PDE8B: variants seen among roughly 807,000 people sequenced by gnomAD.
PDE8B encodes phosphodiesterase 8B, also known as high affinity cAMP-specific and IBMX-insensitive 3',5'-cyclic phosphodiesterase 8B.
PDE8B carries 26 observed loss-of-function variants against 101.3 expected under a neutral mutation model. The ratio of observed to expected loss-of-function variants is 0.26; its 90% CI spans 0.19 to 0.36. PDE8B has a LOEUF of 0.36. Among genes scored for constraint, PDE8B ranks in the 10% least tolerant of loss-of-function variants. The pLI is 1.00. For missense variants in PDE8B, 810 were observed against 1,163.1 expected (o/e 0.70, Z 4.42); for synonymous variants, 424 against 429.3 (o/e 0.99, Z 0.15).
At chr5:77,203,976 T>C in the PDE8B span, among the ~76,000 whole-genome samples, 1 of 151,940 alleles carries the variant, frequency 6.6e-6, no homozygotes, top group Admixed American at 6.6e-5. Flanking sequence ...TAGAAACAGA[T>C]GTGCCTTGTG....
chr5:77,087,485 A>T, the PDE8B span: 2 of 152,236 alleles, frequency 1.3e-5, no homozygotes, highest in East Asian at 3.8e-4. Context: ...GCATCTTTGC[A>T]GGCTGTAGGC....
At chr5:77,288,040 G>A (rs1766422470) in intron 1 of PDE8B, among the ~76,000 whole-genome samples, 1 of 152,082 alleles carries the variant, frequency 6.6e-6, no homozygotes, top group Non-Finnish European at 1.5e-5. Flanking sequence ...CTGAATGATG[G>A]CATATTCCCG....
intron 2 of PDE8B, among the ~76,000 whole-genome samples, chr5:77,322,203 G>A (rs1775223445): frequency 6.7e-6 from 1 of 150,008 alleles, no homozygotes; most frequent in Non-Finnish European, 1.5e-5. Context: ...AAGAGCCAAA[G>A]GTGGTGGTGG....
At chr5:77,313,871 A>T (rs1580978994) in intron 2 of PDE8B, among the ~76,000 whole-genome samples, 1 of 152,314 alleles carries the variant, frequency 6.6e-6, no homozygotes, top group East Asian at 1.9e-4. Context: ...GTATGTGTCC[A>T]TTCATAATAT....
chr5:77,257,024 T>A (rs1479595), intron 1 of PDE8B, among the ~76,000 whole-genome samples: 81,229 of 151,992 alleles, frequency 0.53, 21,767 homozygotes, highest in South Asian at 0.62. Flanking sequence ...ATGGTAGTGA[T>A]CGTACATAGA....
intron 1 of PDE8B, among the ~76,000 whole-genome samples, chr5:77,219,669 A>G (rs1750652948): frequency 6.6e-6 from 1 of 152,192 alleles, no homozygotes; most frequent in African/African-American, 2.4e-5. Context: ...CACCTCAGCC[A>G]CTAGTGGTCC....
chr5:77,345,849 C>T (rs544249441), intron 7 of PDE8B, among the ~76,000 whole-genome samples: 21 of 152,250 alleles, frequency 1.4e-4, no homozygotes, highest in Non-Finnish European at 2.4e-4. Flanking sequence ...CAACACACAG[C>T]GAAGCCCACA....
chr5:77,094,658 G>T, the PDE8B span, among the ~76,000 whole-genome samples: 3 of 152,080 alleles, frequency 2.0e-5, no homozygotes, highest in African/African-American at 4.8e-5. Flanking sequence ...TCTGAAAGGA[G>T]GTTTATTTGA....
Position 77,211,131 on chromosome 5 carries a change from G to T in PDE8B, c.206G>T (p.Arg69Met), listed in dbSNP as rs1334447564. 2 of 1,516,120 alleles carry T rather than the reference G, an allele frequency of 1.3e-6. No individual in the cohort carries two copies. The highest frequency in any genetic ancestry group is 2.9e-5 in the African/African-American group (2 of 69,854). The allele number at this position is 1,516,120 out of a possible 1,614,324, so 93.9% of individuals were successfully genotyped here. ...SGPPSVARVR[R>M]ARTELGSGSS... ...CCCCCCAGCGTAGCCCGCGTCCGCAGGGCCCGCACCGAGCTGGGCAGCGGT... is the reference window on the plus strand; with the variant it reads ...CCCCCCAGCGTAGCCCGCGTCCGCATGGCCCGCACCGAGCTGGGCAGCGGT... The change falls in exon 1 of 22, where the codon AGG becomes ATG. Residue 69 changes from arginine to methionine, a missense_variant. By Grantham distance (91) the Arg-to-Met change is moderately conservative. This residue lies in a region of PDE8B where 159 missense variants were observed against 146.6 expected (regional missense o/e 1.08). Transcript: ENST00000264917. This position sits in a 1 kb window ranked among gnomAD's most constrained non-coding sequence, Gnocchi z 4.1.
At chr5:77,303,866 A>AGCTAG in intron 1 of PDE8B, among the ~76,000 whole-genome samples, 1 of 152,214 alleles carries the variant, frequency 6.6e-6, no homozygotes, top group African/African-American at 2.4e-5. Flanking sequence ...TTAAATGAGT[A>AGCTAG]ACTCTAGTTG....
chr5:77,267,501 G>C (rs2149747472), intron 1 of PDE8B, among the ~76,000 whole-genome samples: 1 of 151,830 alleles, frequency 6.6e-6, no homozygotes, highest in East Asian at 1.9e-4. Context: ...TGAGAGGTCT[G>C]CCTTATTTTG....
intron 1 of PDE8B, among the ~76,000 whole-genome samples, chr5:77,236,593 C>A (rs1561392810): frequency 6.6e-6 from 1 of 152,126 alleles, no homozygotes; most frequent in African/African-American, 2.4e-5. Flanking sequence ...AATATTGGAC[C>A]ACTGGATTTA....
intron 13 of PDE8B, among the ~76,000 whole-genome samples, chr5:77,408,289 G>A (rs1793888496): frequency 6.6e-6 from 1 of 152,222 alleles, no homozygotes; most frequent in African/African-American, 2.4e-5. Flanking sequence ...AGCATGAAGT[G>A]CTTTCTTGAT....
In PDE8B at chr5:77,415,795, T is replaced by C. The variant is rs565105176; in HGVS notation, c.1912-2434T>C. Among the ~76,000 whole-genome samples the C allele has an allele frequency of 2.6e-5, 4 of 152,318 alleles. No homozygotes were observed. In the East Asian group the frequency reaches 7.7e-4, roughly 29 times the overall value. On this transcript the variant is annotated intron_variant, in intron 17 of 21. Transcript: ENST00000264917. ...ATGTTACCCAATTCCAGGGAACTAG[T>C]GCAAGTGGAGAAGCCAGGATAACAA...
At chr5:77,345,091 A>C (rs1287371047) in intron 7 of PDE8B, among the ~76,000 whole-genome samples, 160 bp downstream of exon 7, 1 of 152,232 alleles carries the variant, frequency 6.6e-6, no homozygotes, top group Non-Finnish European at 1.5e-5. Flanking sequence ...TAGACTTAAG[A>C]ATTAGATATT....
chr5:77,262,875 T>A (rs1476803575), intron 1 of PDE8B, among the ~76,000 whole-genome samples: 1 of 152,214 alleles, frequency 6.6e-6, no homozygotes, highest in Non-Finnish European at 1.5e-5. Flanking sequence ...ACTTAAGCAC[T>A]CTCAACTGGT....
In PDE8B at chr5:77,210,954, C is replaced by G. The variant is rs1748160204; in HGVS notation, c.29C>G (p.Ser10Trp). 1.3e-6 allele frequency: 2 copies of G among 1,520,404 alleles called. No individual in the cohort carries two copies. Among genetic ancestry groups the G allele is most frequent in the Non-Finnish European group, 8.7e-7 (1 of 1,143,326 alleles). 94.2% of individuals were successfully genotyped at this position (1,520,404 alleles called of 1,614,324 possible). A position where few individuals can be genotyped will look rare whatever the true frequency, so the allele number is the denominator to read the frequency against. The change falls in exon 1 of 22, where the codon TCG becomes TGG. Residue 10 changes from serine (S) to tryptophan (W), a missense_variant. By Grantham distance (177) the Ser-to-Trp change is radical. Transcript: ENST00000264917. This position sits in a 1 kb window ranked among gnomAD's most constrained non-coding sequence, Gnocchi z 4.9. MGCAPSIHV[S>W]QSGVIYCRDS... ...GGCTGCGCCCCCAGCATCCATGTCT[C>G]GCAGAGCGGCGTGATCTACTGCCGG...
At chr5:77,117,115 C>G in the PDE8B span, among the ~76,000 whole-genome samples, 4 of 152,304 alleles carry the variant, frequency 2.6e-5, no homozygotes, top group African/African-American at 9.6e-5. Flanking sequence ...CACCCTTCAT[C>G]TAGATTGTTT....
At chr5:77,226,637 A>C (rs1047710769) in intron 1 of PDE8B, among the ~76,000 whole-genome samples, 3 of 152,232 alleles carry the variant, frequency 2.0e-5, no homozygotes, top group Non-Finnish European at 4.4e-5. Context: ...ATATTTATCT[A>C]TCCAGAGCAT....
Sources: gnomAD v4.1 joint callset for allele counts (sites outside exome capture counted in the v4.1 genomes callset) on GRCh38, gnomAD v4.1.1 for gene constraint, gnomAD v4.1.1 regional missense constraint, Gnocchi (gnomAD v3.1) non-coding constraint, MANE v1.5 for transcripts, NCBI Gene and HGNC (gene_info 2026-07-23, HGNC 2026-07-21) for gene names.